The following RRAGD variants were observed in gnomAD, a reference collection of about 807,000 sequenced individuals.
RRAGD encodes the protein Ras related GTP binding D.
RRAGD carries 12 observed loss-of-function variants against 35.5 expected under a neutral mutation model. The observed-to-expected ratio is 0.34, with a 90% confidence interval of 0.22 to 0.55. RRAGD has a LOEUF of 0.55. Among genes scored for constraint, RRAGD ranks in the 20% least tolerant of loss-of-function variants. The pLI is 0.91. For missense variants in RRAGD, 324 were observed against 490.1 expected (o/e 0.66, Z 3.20); for synonymous variants, 155 against 178.9 (o/e 0.87, Z 1.07).
chr6:89,383,751 G>A (rs1285196809), intron 2 of RRAGD, among the ~76,000 whole-genome samples: 6 of 151,958 alleles, frequency 3.9e-5, no homozygotes, highest in Non-Finnish European at 8.8e-5. Flanking sequence ...ATATTTATCC[G>A]GCAATCCTGT....
At chr6:89,378,231 G>T (rs1471163608) in intron 4 of RRAGD, among the ~76,000 whole-genome samples, 1 of 152,096 alleles carries the variant, frequency 6.6e-6, no homozygotes, top group African/African-American at 2.4e-5. Context: ...GAACCCAGGA[G>T]GCGGAGGTAG....
chr6:89,381,662 C>G (rs898118918), intron 2 of RRAGD, among the ~76,000 whole-genome samples: 2 of 152,136 alleles, frequency 1.3e-5, no homozygotes, highest in Non-Finnish European at 2.9e-5. Context: ...CTTTTTCATT[C>G]AACACTATGT....
chr6:89,369,610 G>A (rs529542396), intron 6 of RRAGD, among the ~76,000 whole-genome samples: 19 of 152,182 alleles, frequency 1.2e-4, no homozygotes, highest in African/African-American at 4.6e-4. Context: ...TCACTATGTT[G>A]CCCAGGATGG....
chr6:89,374,724 C>T (rs1259123856), intron 5 of RRAGD, among the ~76,000 whole-genome samples: 2 of 150,624 alleles, frequency 1.3e-5, no homozygotes, highest in East Asian at 1.9e-4. Context: ...GAGCGAAACT[C>T]CATCTCAAAA....
Position 89,365,507 on chromosome 6 carries a change from T to C in RRAGD, c.*2549A>G, listed in dbSNP as rs1289951988. ...TACAATGCAAAATGACTTGAAGACATTTCCAATAACACAGATTTGAAAAAC... is the reference window on the plus strand; with the variant it reads ...TACAATGCAAAATGACTTGAAGACACTTCCAATAACACAGATTTGAAAAAC... On this transcript the variant is annotated 3_prime_UTR_variant, in exon 7 of 7. Transcript: ENST00000369415. 6.6e-6 allele frequency: 1 copy of C among 152,238 alleles called. No homozygotes were observed. Among genetic ancestry groups the C allele is most frequent in the African/African-American group, 2.4e-5 (1 of 41,466 alleles). 9.4% of individuals were successfully genotyped at this position (152,238 alleles called of 1,614,324 possible).
chr6:89,384,057 C>T (rs1769094318), intron 2 of RRAGD, among the ~76,000 whole-genome samples: 1 of 150,396 alleles, frequency 6.6e-6, no homozygotes, highest in Admixed American at 6.6e-5. Context: ...GAGCCAAGAT[C>T]GCACCACTGC....
rs962173381 is a variant in RRAGD at position 89,367,126 on chromosome 6, A to C, written c.*930T>G. 1 of 152,182 alleles carries C rather than the reference A, an allele frequency of 6.6e-6. No individual in the cohort carries two copies. The highest frequency in any genetic ancestry group is 2.4e-5 in the African/African-American group (1 of 41,434). 9.4% of individuals were successfully genotyped at this position (152,182 alleles called of 1,614,324 possible). A position where few individuals can be genotyped will look rare whatever the true frequency, so the allele number is the denominator to read the frequency against. On this transcript the variant is annotated 3_prime_UTR_variant, in exon 7 of 7. Coordinates refer to ENST00000369415, the MANE Select transcript of RRAGD (RefSeq NM_021244.5). ...CATCGCACAGGGCCAAAAGTCCAGA[A>C]TTGTATCTATGTTTTTTAGTCTGCA... is the stretch of plus-strand genomic sequence containing the variant.
intron 5 of RRAGD, among the ~76,000 whole-genome samples, chr6:89,377,396 T>G (rs138036763): frequency 6.6e-6 from 1 of 152,304 alleles, no homozygotes; most frequent in African/African-American, 2.4e-5. Context: ...AGAGGATCAT[T>G]TGAGCCCAGG....
chr6:89,375,523 C>A (rs1000506101), intron 5 of RRAGD, among the ~76,000 whole-genome samples: 31 of 152,306 alleles, frequency 2.0e-4, no homozygotes, highest in African/African-American at 7.2e-4. Context: ...TGGGGCACAG[C>A]CTCAGCTGAG....
intron 1 of RRAGD, among the ~76,000 whole-genome samples, chr6:89,402,173 G>A (rs977208199): frequency 2.0e-4 from 30 of 149,386 alleles, no homozygotes; most frequent in African/African-American, 6.7e-4. Context: ...TCAGCCTCCC[G>A]AGTAGCTGGG....
chr6:89,405,125 C>T (rs929326006), intron 1 of RRAGD, among the ~76,000 whole-genome samples: 4 of 151,814 alleles, frequency 2.6e-5, no homozygotes, highest in Non-Finnish European at 4.4e-5. Flanking sequence ...CCAAGGTGGG[C>T]GGATCACGAG....
In RRAGD at chr6:89,366,674, C is replaced by CT. The variant is rs960388366; in HGVS notation, c.*1381dup. 1 of 151,418 alleles carries CT rather than the reference C, an allele frequency of 6.6e-6. No individual in the cohort carries two copies. Among genetic ancestry groups the CT allele is most frequent in the African/African-American group, 2.4e-5 (1 of 41,194 alleles). 9.4% of individuals were successfully genotyped at this position (151,418 alleles called of 1,614,324 possible). ...TGCCCCACAAGCATGCCTTAGGGTG[C>CT]TAACCCTTGAGATGCACGTAAAATT... On this transcript the variant is annotated 3_prime_UTR_variant, in exon 7 of 7. Coordinates refer to ENST00000369415, the MANE Select transcript of RRAGD (RefSeq NM_021244.5).
At chr6:89,400,356 G>A (rs1769434828) in intron 1 of RRAGD, among the ~76,000 whole-genome samples, 1 of 152,058 alleles carries the variant, frequency 6.6e-6, no homozygotes, top group Non-Finnish European at 1.5e-5. Context: ...CATGTATGTG[G>A]GTACTCGCTC....
At chr6:89,376,282 C>A (rs184652724) in intron 5 of RRAGD, among the ~76,000 whole-genome samples, 18 of 146,506 alleles carry the variant, frequency 1.2e-4, no homozygotes, top group Non-Finnish European at 1.5e-5. Flanking sequence ...TTGTAAGTAT[C>A]ACTTTCCATG....
rs779185908 is a variant in RRAGD at position 89,412,016 on chromosome 6, C to G, written c.-23G>C. On this transcript the variant is annotated 5_prime_UTR_variant, in exon 1 of 7. Transcript: ENST00000369415. The surrounding 1 kb of genome is among the most constrained non-coding windows in gnomAD (Gnocchi z 4.2). ...CATCGTGCCCACCGGCCGGCCGGCC[C>G]GGGGACGGCGGGGGTCCCGGGGTGG... 3 of 1,519,800 alleles carry G rather than the reference C, an allele frequency of 2.0e-6. No individual in the cohort carries two copies. The highest frequency in any genetic ancestry group is 2.5e-5 in the East Asian group (1 of 39,392). 94.1% of individuals were successfully genotyped at this position (1,519,800 alleles called of 1,614,324 possible).
chr6:89,379,197 AC>A lies in RRAGD; in HGVS notation c.759+26del, dbSNP rs1769001069. 5.1e-6 allele frequency: 6 copies of A among 1,179,130 alleles called. No individual in the cohort carries two copies. The East Asian group carries it at 1.2e-4, about 23-fold the overall frequency. 73.0% of individuals were successfully genotyped at this position (1,179,130 alleles called of 1,614,324 possible). ...ATGTTATTTTCAAATTCTACAAGTGACTCAAACAGGAATATTATTTACTTAC... is the reference window on the plus strand; with the variant it reads ...ATGTTATTTTCAAATTCTACAAGTGATCAAACAGGAATATTATTTACTTAC... On this transcript the variant is annotated intron_variant, in intron 4 of 6. Transcript: ENST00000369415.
chr6:89,388,133 AC>A (rs2127891097), intron 1 of RRAGD, among the ~76,000 whole-genome samples: 1 of 152,348 alleles, frequency 6.6e-6, no homozygotes, highest in African/African-American at 2.4e-5. Context: ...GGATTGTGTT[AC>A]ACAGCAGATG....
chr6:89,390,311 TATA>T (rs936616257), intron 1 of RRAGD, among the ~76,000 whole-genome samples: 1 of 152,184 alleles, frequency 6.6e-6, no homozygotes, highest in African/African-American at 2.4e-5. Flanking sequence ...AAAGAATGCT[TATA>T]ATTCAACAAT....
chr6:89,364,813 C>A lies in RRAGD; in HGVS notation c.*3243G>T, dbSNP rs942510897. The A allele has an allele frequency of 2.6e-5, 4 of 152,276 alleles. No homozygotes were observed. The South Asian group carries it at 8.3e-4, about 32-fold the overall frequency. 9.4% of individuals were successfully genotyped at this position (152,276 alleles called of 1,614,324 possible). On this transcript the variant is annotated 3_prime_UTR_variant, in exon 7 of 7. Coordinates refer to ENST00000369415, the MANE Select transcript of RRAGD (RefSeq NM_021244.5). ...CCTTTTCACCAAAGAGACAATTCTG[C>A]TCCCAGAAAGCTTAGCTATGAATAC...
Sources: allele counts gnomAD v4.1 joint callset (sites outside exome capture counted in the v4.1 genomes callset), GRCh38; gene constraint gnomAD v4.1.1; non-coding constraint Gnocchi (gnomAD v3.1); transcripts MANE v1.5; gene names NCBI Gene and HGNC (gene_info 2026-07-23, HGNC 2026-07-21).